The following RORA variants were observed in gnomAD, a reference collection of about 807,000 sequenced individuals.
RORA encodes the protein nuclear receptor ROR-alpha.
In RORA, 7 loss-of-function variants were observed where a neutral mutation model predicts 69.5. That is an observed-to-expected ratio of 0.10 (90% CI 0.06 to 0.19). The LOEUF (loss-of-function observed/expected upper bound fraction) is 0.19. RORA is among the 10% of genes least tolerant of loss of function. RORA has a pLI of 1.00. For synonymous variants in RORA, 261 were observed against 240.8 expected, an observed-to-expected ratio of 1.08 and a Z score of -0.78; for missense variants, 457 against 663.0, an observed-to-expected ratio of 0.69 and a Z score of 3.41.
intron 1 of RORA, among the ~76,000 whole-genome samples, chr15:60,901,424 G>A (rs62006822): frequency 0.088 from 13,363 of 152,202 alleles, 686 homozygotes; most frequent in Non-Finnish European, 0.12. Context: ...TGCCCACCTC[G>A]GCCTCCCAAA....
At position 60,494,663 on chromosome 15, in the gene RORA, A is replaced by G. The variant is rs2065123721; in HGVS notation, c.*2792T>C. 6.6e-6 allele frequency: 1 copy of G among 152,206 alleles called. No individual in the cohort carries two copies. The highest frequency in any genetic ancestry group is 6.5e-5 in the Admixed American group (1 of 15,280). The allele number at this position is 152,206 out of a possible 1,614,324, so 9.4% of individuals were successfully genotyped here. Reference sequence around the variant, plus strand: ...CAGTTGTTTCCTTGTTTCATGGAGCATGTCTCTGTCTACAATTCCATCCTA... The same window carrying G: ...CAGTTGTTTCCTTGTTTCATGGAGCGTGTCTCTGTCTACAATTCCATCCTA... On this transcript the variant is annotated 3_prime_UTR_variant, in exon 11 of 11. Transcript: ENST00000335670.
chr15:61,157,549 C>T (rs2079455453), intron 1 of RORA, among the ~76,000 whole-genome samples: 1 of 152,204 alleles, frequency 6.6e-6, no homozygotes, highest in South Asian at 2.1e-4. Flanking sequence ...TTGTACCCAG[C>T]TTACTTACCC....
intron 1 of RORA, among the ~76,000 whole-genome samples, chr15:61,155,316 A>C (rs2079432893): frequency 6.6e-6 from 1 of 152,230 alleles, no homozygotes; most frequent in African/African-American, 2.4e-5. Flanking sequence ...TTAACCTTCA[A>C]ATAAATACTA....
At chr15:60,518,102 G>T (rs530121219) in intron 3 of RORA, among the ~76,000 whole-genome samples, 3 of 152,104 alleles carry the variant, frequency 2.0e-5, no homozygotes, top group Admixed American at 1.3e-4. Context: ...GGGCTCAAGC[G>T]GTCCTCCCAC....
At chr15:60,900,283 C>T (rs777852207) in intron 1 of RORA, among the ~76,000 whole-genome samples, 3 of 152,202 alleles carry the variant, frequency 2.0e-5, no homozygotes, top group Non-Finnish European at 2.9e-5. Context: ...ATACAGATTT[C>T]GGTACGCACA....
chr15:60,516,097 ATATT>A (rs1232657787), intron 3 of RORA, among the ~76,000 whole-genome samples: 1 of 77,960 alleles, frequency 1.3e-5, no homozygotes, highest in African/African-American at 5.1e-5. Context: ...ATATTTATAT[ATATT>A]TATATATTAT....
At chr15:61,126,726 A>G (rs147014839) in intron 1 of RORA, among the ~76,000 whole-genome samples, 1,685 of 152,308 alleles carry the variant, frequency 0.011, 25 homozygotes, top group African/African-American at 0.036. Flanking sequence ...TTTACAGAAG[A>G]GAAAATGGAA....
intron 1 of RORA, among the ~76,000 whole-genome samples, chr15:60,727,538 A>G (rs2071375963): frequency 6.6e-6 from 1 of 152,224 alleles, no homozygotes; most frequent in South Asian, 2.1e-4. Flanking sequence ...ACTGTCAACT[A>G]GAACATTTTA....
rs372418033 is a variant in RORA at position 60,921,758 on chromosome 15, A to C, written c.167-243072T>G. On this transcript the variant is annotated intron_variant, in intron 1 of 10. Transcript: ENST00000335670. ...TTGGAATTCACTTTACCTTTACGCTACATCTTCCTCATCTGCGAAACCAGC... is the reference window on the plus strand; with the variant it reads ...TTGGAATTCACTTTACCTTTACGCTCCATCTTCCTCATCTGCGAAACCAGC... Among the ~76,000 whole-genome samples, 7 of 152,306 alleles carry C rather than the reference A, an allele frequency of 4.6e-5. No homozygotes were observed. In the East Asian group the frequency reaches 9.7e-4, roughly 21 times the overall value.
intron 1 of RORA, among the ~76,000 whole-genome samples, chr15:60,804,404 G>A (rs2140360700): frequency 6.6e-6 from 1 of 151,950 alleles, no homozygotes; most frequent in East Asian, 1.9e-4. Flanking sequence ...ACAACTTCTG[G>A]AGGCCCACAC....
intron 1 of RORA, among the ~76,000 whole-genome samples, chr15:60,722,798 T>A (rs1410659865): frequency 6.6e-6 from 1 of 152,254 alleles, no homozygotes; most frequent in African/African-American, 2.4e-5. Context: ...CCTGTCATTC[T>A]GATGAACATT....
intron 1 of RORA, among the ~76,000 whole-genome samples, chr15:61,123,961 C>T (rs1409962480): frequency 6.6e-6 from 1 of 152,188 alleles, no homozygotes; most frequent in Non-Finnish European, 1.5e-5. Flanking sequence ...GCAAAATCCT[C>T]GAAGTCTCGC....
At position 61,127,471 on chromosome 15, in the gene RORA, C is replaced by T. The variant is rs547872307; in HGVS notation, c.166+101582G>A. Among the ~76,000 whole-genome samples the T allele has an allele frequency of 8.5e-5, 13 of 152,266 alleles. No homozygotes were observed. In the South Asian group the frequency reaches 1.0e-3, roughly 12 times the overall value. ...TTTTCGGCTCTTTGTTCAAACTGTA[C>T]GTTATATCTCTGACTTGAAATGTCT... is the stretch of plus-strand genomic sequence containing the variant. On this transcript the variant is annotated intron_variant, in intron 1 of 10. Transcript: ENST00000335670.
intron 2 of RORA, among the ~76,000 whole-genome samples, chr15:60,586,520 C>T (rs1365258578): frequency 6.6e-6 from 1 of 152,050 alleles, no homozygotes; most frequent in African/African-American, 2.4e-5. Flanking sequence ...GACTTACAGT[C>T]TTTCATTTGA....
At chr15:60,608,178 A>G (rs968896050) in intron 2 of RORA, among the ~76,000 whole-genome samples, 33 of 152,206 alleles carry the variant, frequency 2.2e-4, no homozygotes, top group African/African-American at 7.0e-4. Context: ...AGGAAAGGGA[A>G]GTGATTGCTG....
chr15:60,555,938 T>A (rs1595967028), intron 2 of RORA, among the ~76,000 whole-genome samples: 1 of 152,194 alleles, frequency 6.6e-6, no homozygotes, highest in African/African-American at 2.4e-5. Flanking sequence ...TTACTCCTGA[T>A]ATTTGTAAGT....
At chr15:60,671,712 AG>A (rs1195971813) in intron 2 of RORA, among the ~76,000 whole-genome samples, 1 of 146,960 alleles carries the variant, frequency 6.8e-6, no homozygotes, top group African/African-American at 2.7e-5. Flanking sequence ...CCCGGGTTCA[AG>A]TGATTCTCAT....
intron 1 of RORA, among the ~76,000 whole-genome samples, chr15:60,732,258 G>A (rs977345249): frequency 2.0e-5 from 3 of 152,200 alleles, no homozygotes; most frequent in African/African-American, 7.2e-5. Context: ...AAGGAAAACA[G>A]AGACTGAATC....
intron 2 of RORA, among the ~76,000 whole-genome samples, chr15:60,536,527 A>C (rs1162860213): frequency 6.6e-6 from 1 of 152,364 alleles, no homozygotes; most frequent in Admixed American, 6.5e-5. Context: ...TGTTGCAATA[A>C]GTTGCAGGAG....
Sources: gnomAD v4.1 joint callset for allele counts (sites outside exome capture counted in the v4.1 genomes callset) on GRCh38, gnomAD v4.1.1 for gene constraint, MANE v1.5 for transcripts, NCBI Gene and HGNC (gene_info 2026-07-23, HGNC 2026-07-21) for gene names.